The following ST8SIA6 variants were observed in gnomAD, a reference collection of about 807,000 sequenced individuals.
ST8SIA6 encodes the protein alpha-2,8-sialyltransferase 8F.
In ST8SIA6, 39 loss-of-function variants were observed where a neutral mutation model predicts 33.6. The ratio of observed to expected loss-of-function variants is 1.16; its 90% CI spans 0.90 to 1.52. The LOEUF is 1.52. Ranked by LOEUF, ST8SIA6 falls within the 40% of genes most tolerant of loss-of-function variation. The probability of loss-of-function intolerance (pLI) is 0.00; values close to 1 mark genes in which losing one functional copy is unlikely to be tolerated. For missense variants in ST8SIA6, 441 were observed against 443.8 expected (o/e 0.99, Z 0.06); for synonymous variants, 172 against 167.2 (o/e 1.03, Z -0.22).
At chr10:17,329,636 T>A (rs746105612) in intron 5 of ST8SIA6, among the ~76,000 whole-genome samples, 22 of 152,168 alleles carry the variant, frequency 1.4e-4, no homozygotes, top group Non-Finnish European at 2.9e-4. Context: ...TGGTATAAAA[T>A]AGAAAAGATT....
At chr10:17,444,563 C>T (rs1852630218) in intron 2 of ST8SIA6, among the ~76,000 whole-genome samples, 1 of 152,176 alleles carries the variant, frequency 6.6e-6, no homozygotes, top group Admixed American at 6.5e-5. Flanking sequence ...CTCCCTGGCT[C>T]TCCTGTGCAC....
Position 17,320,717 on chromosome 10 carries a change from A to G in ST8SIA6, c.*161T>C, listed in dbSNP as rs949585239. On this transcript the variant is annotated 3_prime_UTR_variant, in exon 8 of 8. Coordinates refer to ENST00000377602, the MANE Select transcript of ST8SIA6 (RefSeq NM_001004470.3). ...GAAAAAATGAAGATGAGAAGGATTG[A>G]ATGACTTGCCATCATTGCAAAATGA... The G allele has an allele frequency of 2.2e-5, 14 of 640,258 alleles. No homozygotes were observed. The highest frequency in any genetic ancestry group is 1.7e-4 in the African/African-American group (9 of 54,346). The allele number at this position is 640,258 out of a possible 1,614,324, so 39.7% of individuals were successfully genotyped here.
At chr10:17,367,922 T>C (rs1366356862) in intron 3 of ST8SIA6, among the ~76,000 whole-genome samples, 3 of 152,192 alleles carry the variant, frequency 2.0e-5, no homozygotes, top group Admixed American at 6.5e-5. Flanking sequence ...CGAACACACA[T>C]AAGCAGAGCT....
chr10:17,343,746 AG>A (rs1848746901), intron 4 of ST8SIA6, among the ~76,000 whole-genome samples: 2 of 152,326 alleles, frequency 1.3e-5, no homozygotes, highest in South Asian at 4.1e-4. Context: ...ACGTGATCAG[AG>A]GAGCAGGTTT....
intron 2 of ST8SIA6, among the ~76,000 whole-genome samples, chr10:17,435,899 A>T (rs1252555158): frequency 6.6e-6 from 1 of 152,196 alleles, no homozygotes; most frequent in Non-Finnish European, 1.5e-5. Context: ...ACTTCTGTGA[A>T]AGTTGATTAT....
At chr10:17,323,002 T>G in intron 7 of ST8SIA6, 63 bp downstream of exon 7, 3 of 1,454,332 alleles carry the variant, frequency 2.1e-6, no homozygotes, top group Non-Finnish European at 2.9e-6. Flanking sequence ...GTGCTTAAGC[T>G]GAGAAACATG....
At chr10:17,338,024 T>C (rs1317159975) in intron 4 of ST8SIA6, among the ~76,000 whole-genome samples, 1 of 120,800 alleles carries the variant, frequency 8.3e-6, no homozygotes, top group East Asian at 2.4e-4. Flanking sequence ...AGGCAGAAAA[T>C]ACTATTCTTT....
At chr10:17,406,791 C>CTTT (rs1281929219) in intron 2 of ST8SIA6, among the ~76,000 whole-genome samples, 7 of 114,482 alleles carry the variant, frequency 6.1e-5, no homozygotes, top group African/African-American at 1.3e-4. Context: ...GAGGGCTAAT[C>CTTT]TTTTTTTTTT....
chr10:17,397,457 A>G (rs935608197), intron 2 of ST8SIA6, among the ~76,000 whole-genome samples: 7 of 151,256 alleles, frequency 4.6e-5, no homozygotes, highest in Non-Finnish European at 1.0e-4. Context: ...CTGGTCTCGA[A>G]CTCCTGACCT....
At chr10:17,371,813 T>TAAAAAAA (rs1849745422) in intron 3 of ST8SIA6, among the ~76,000 whole-genome samples, 16 of 116,894 alleles carry the variant, frequency 1.4e-4, no homozygotes, top group Non-Finnish European at 2.2e-4. Flanking sequence ...AGAAAGAAAG[T>TAAAAAAA]AAAAAATGAG....
rs538354473 is a variant in ST8SIA6 at position 17,337,404 on chromosome 10, G to C, written c.378-5852C>G. Among the ~76,000 whole-genome samples, 5 of 152,290 alleles carry C rather than the reference G, an allele frequency of 3.3e-5. No homozygotes were observed. In the East Asian group the frequency reaches 5.8e-4, roughly 18 times the overall value. On this transcript the variant is annotated intron_variant, in intron 4 of 7. Coordinates refer to ENST00000377602, the MANE Select transcript of ST8SIA6 (RefSeq NM_001004470.3). ...AGTAGTCCATGGTATGGATGTACCA[G>C]AGTTGGTTTAGCCATCCCCCTTGCA...
chr10:17,429,913 C>A (rs1346262103), intron 2 of ST8SIA6, among the ~76,000 whole-genome samples: 1 of 152,036 alleles, frequency 6.6e-6, no homozygotes, highest in Non-Finnish European at 1.5e-5. Flanking sequence ...TTTTTTATTT[C>A]AATAGTTTTT....
chr10:17,396,367 C>T (rs886171331), intron 2 of ST8SIA6, among the ~76,000 whole-genome samples: 9 of 152,136 alleles, frequency 5.9e-5, no homozygotes, highest in African/African-American at 2.2e-4. Flanking sequence ...ATTTGTAGGG[C>T]CTTTTATATA....
At chr10:17,425,334 C>T (rs1247588651) in intron 2 of ST8SIA6, among the ~76,000 whole-genome samples, 1 of 151,898 alleles carries the variant, frequency 6.6e-6, no homozygotes, top group Non-Finnish European at 1.5e-5. Context: ...TCTGGGAGGC[C>T]GAGGAGGCTG....
In ST8SIA6 at chr10:17,425,168, T is replaced by TTA. The variant is rs746624007; in HGVS notation, c.200+28389_200+28390dup. ...GAAATTACAAACATATACGTATATTTTATATATATATTTATTTACATATAC... is the reference window on the plus strand; with the variant it reads ...GAAATTACAAACATATACGTATATTTTATATATATATATTTATTTACATATAC... On this transcript the variant is annotated intron_variant, in intron 2 of 7. Coordinates refer to ENST00000377602, the MANE Select transcript of ST8SIA6 (RefSeq NM_001004470.3). 1.2e-3 allele frequency among the ~76,000 whole-genome samples: 175 copies of TTA among 152,128 alleles called. 2 individuals carry two copies. Among genetic ancestry groups the TTA allele is most frequent in the Non-Finnish European group, 2.1e-3 (142 of 68,008 alleles).
At chr10:17,402,656 C>A (rs909453316) in intron 2 of ST8SIA6, among the ~76,000 whole-genome samples, 6 of 152,226 alleles carry the variant, frequency 3.9e-5, no homozygotes, top group African/African-American at 1.2e-4. Context: ...CCATCATTCT[C>A]AGCAAACTAT....
intron 2 of ST8SIA6, chr10:17,399,154 T>G (rs563751276): frequency 6.6e-6 from 1 of 152,130 alleles, no homozygotes; most frequent in African/African-American, 2.4e-5. Flanking sequence ...GGGCAGATTC[T>G]GGCTGCCTTT....
rs117274629 is a variant in ST8SIA6 at position 17,445,841 on chromosome 10, C to T, written c.200+7718G>A. 1.2e-3 allele frequency among the ~76,000 whole-genome samples: 189 copies of T among 152,256 alleles called. 4 individuals are homozygous for T. In the East Asian group the frequency reaches 0.035, roughly 28 times the overall value. Reference sequence around the variant, plus strand: ...CTGGGACAGCCTGGTGGACCCAGCCCTCCCAGGGTTATTAGATGACATTTG... The same window carrying T: ...CTGGGACAGCCTGGTGGACCCAGCCTTCCCAGGGTTATTAGATGACATTTG... On this transcript the variant is annotated intron_variant, in intron 2 of 7. Transcript: ENST00000377602.
intron 4 of ST8SIA6, among the ~76,000 whole-genome samples, chr10:17,351,104 A>G (rs1243116699): frequency 6.6e-6 from 1 of 151,498 alleles, no homozygotes; most frequent in Non-Finnish European, 1.5e-5. Context: ...CCCTGCCCCC[A>G]CCCCAGCATC....
Sources: gnomAD v4.1 joint callset for allele counts (sites outside exome capture counted in the v4.1 genomes callset) on GRCh38, gnomAD v4.1.1 for gene constraint, MANE v1.5 for transcripts, NCBI Gene and HGNC (gene_info 2026-07-23, HGNC 2026-07-21) for gene names.